Variants in ARHGEF11 observed in about 807,000 individuals in gnomAD.
The protein encoded by ARHGEF11 is Rho guanine nucleotide exchange factor 11.
In ARHGEF11, 55 loss-of-function variants were observed where a neutral mutation model predicts 193.7. The observed-to-expected ratio is 0.28, with a 90% CI of 0.23 to 0.36. ARHGEF11 has a LOEUF of 0.36. Ranked by LOEUF, ARHGEF11 falls within the 10% of genes least tolerant of loss-of-function variation. ARHGEF11 has a pLI of 1.00. For synonymous variants in ARHGEF11, 693 were observed against 768.0 expected (o/e 0.90, Z 1.62); for missense variants, 1,723 against 2,005.6 (o/e 0.86, Z 2.69).
intron 1 of ARHGEF11, among the ~76,000 whole-genome samples, chr1:157,027,871 CTCT>C (rs1404694011): frequency 3.9e-5 from 6 of 152,166 alleles, no homozygotes; most frequent in African/African-American, 1.4e-4. Flanking sequence ...AAGTCAGCTA[CTCT>C]GAGGTCGCCA....
intron 35 of ARHGEF11, 26 bp downstream of exon 35, chr1:156,941,346 C>G (rs1353413775): frequency 5.6e-6 from 9 of 1,613,304 alleles, no homozygotes; most frequent in East Asian, 2.2e-5. Flanking sequence ...TGGGCTGGCT[C>G]CCACAGGACA....
intron 7 of ARHGEF11, among the ~76,000 whole-genome samples, chr1:156,972,998 C>T (rs1662716156): frequency 6.6e-6 from 1 of 152,202 alleles, no homozygotes; most frequent in Non-Finnish European, 1.5e-5. Flanking sequence ...TCTGATGATT[C>T]TTCAAGCCAC....
intron 1 of ARHGEF11, among the ~76,000 whole-genome samples, chr1:157,040,112 T>A (rs989416933): frequency 1.3e-5 from 2 of 152,240 alleles, no homozygotes; most frequent in Non-Finnish European, 2.9e-5. Context: ...GAAGTTAAGC[T>A]TAGTCTGCTC....
chr1:157,028,892 C>T (rs1402229951), intron 1 of ARHGEF11, among the ~76,000 whole-genome samples: 4 of 152,156 alleles, frequency 2.6e-5, no homozygotes, highest in Admixed American at 6.5e-5. Flanking sequence ...ACTGGCTGGG[C>T]GTGGTGGCTC....
chr1:156,936,467 T>A (rs1571101384), intron 40 of ARHGEF11, among the ~76,000 whole-genome samples: 1 of 103,744 alleles, frequency 9.6e-6, no homozygotes, highest in Non-Finnish European at 1.8e-5. Flanking sequence ...CCAGCCCTTG[T>A]CTCAAATAAA....
chr1:157,025,554 T>C (rs191879156), intron 1 of ARHGEF11, among the ~76,000 whole-genome samples: 12 of 152,234 alleles, frequency 7.9e-5, no homozygotes, highest in African/African-American at 2.9e-4. Context: ...CTAGCCTGAG[T>C]TGGTAATCTT....
chr1:156,970,069 G>A, intron 8 of ARHGEF11, 26 bp from the exon 9 acceptor site: 1 of 1,610,382 alleles, frequency 6.2e-7, no homozygotes, highest in Non-Finnish European at 8.5e-7. Context: ...CCACAGGGTG[G>A]GCAAATTCTG....
rs1657910569 is a variant in ARHGEF11 at position 156,945,296 on chromosome 1, C to T, written c.2813-99G>A. The stretch of plus-strand genomic sequence containing the variant: ...CTATTCATCCATGGCAGCTGGCTTG[C>T]TTCAAACCAGCAGGCGTGGGTGGAG... On this transcript the variant is annotated intron_variant, in intron 29 of 40. Coordinates refer to ENST00000368194, the MANE Select transcript of ARHGEF11 (RefSeq NM_198236.3). 1.4e-5 allele frequency: 19 copies of T among 1,398,958 alleles called. No individual in the cohort carries two copies. The South Asian group carries it at 1.5e-4, about 11-fold the overall frequency. 86.7% of individuals were successfully genotyped at this position (1,398,958 alleles called of 1,614,324 possible). A position where few individuals can be genotyped will look rare whatever the true frequency, so the allele number is the denominator to read the frequency against.
chr1:156,957,729 T>C (rs1240181358), intron 18 of ARHGEF11, 63 bp downstream of exon 18: 2 of 1,542,088 alleles, frequency 1.3e-6, no homozygotes, highest in Non-Finnish European at 1.8e-6. Flanking sequence ...ATGGAAAGCA[T>C]AGTAGCTCAA....
intron 1 of ARHGEF11, among the ~76,000 whole-genome samples, chr1:157,016,866 C>G (rs1486573381): frequency 6.6e-6 from 1 of 151,782 alleles, no homozygotes; most frequent in Non-Finnish European, 1.5e-5. Flanking sequence ...GGCTGGAGTG[C>G]AGTAGCACAA....
intron 30 of ARHGEF11, among the ~76,000 whole-genome samples, chr1:156,944,704 C>T (rs1657797243): frequency 6.6e-6 from 1 of 152,204 alleles, no homozygotes; most frequent in African/African-American, 2.4e-5. Context: ...AAGAAGATCA[C>T]ATACTGCTTT....
chr1:157,000,869 G>A (rs1667128624), intron 1 of ARHGEF11, among the ~76,000 whole-genome samples: 2 of 152,170 alleles, frequency 1.3e-5, no homozygotes, highest in Non-Finnish European at 1.5e-5. Flanking sequence ...GAAGTGGGAG[G>A]CGGGCCAGAG....
chr1:157,012,221 C>T (rs565305523), intron 1 of ARHGEF11, among the ~76,000 whole-genome samples: 10 of 152,210 alleles, frequency 6.6e-5, no homozygotes, highest in South Asian at 4.1e-4. Context: ...AAGTGAAAGA[C>T]GCCAGTTACA....
intron 6 of ARHGEF11, among the ~76,000 whole-genome samples, chr1:156,977,523 C>G: frequency 6.6e-6 from 1 of 152,210 alleles, no homozygotes; most frequent in East Asian, 1.9e-4. Context: ...AACAACCCTC[C>G]TGCCTCAGCC....
chr1:156,938,336 A>C lies in ARHGEF11; in HGVS notation c.4192+82T>G, dbSNP rs1655964737. The C allele has an allele frequency of 8.3e-6, 11 of 1,319,950 alleles. No individual in the cohort carries two copies. In the South Asian group the frequency reaches 1.5e-4, roughly 17 times the overall value. 81.8% of individuals were successfully genotyped at this position (1,319,950 alleles called of 1,614,324 possible). ...GGAGCTTGTGGGTGTGTGTGTGACC[A>C]TGGGCAGGGGTCCGACTCTGCCCTC... On this transcript the variant is annotated intron_variant, in intron 38 of 40. Coordinates refer to ENST00000368194, the MANE Select transcript of ARHGEF11 (RefSeq NM_198236.3).
At chr1:157,024,557 C>G (rs181082898) in intron 1 of ARHGEF11, among the ~76,000 whole-genome samples, 1 of 152,152 alleles carries the variant, frequency 6.6e-6, no homozygotes, top group Non-Finnish European at 1.5e-5. Context: ...GCAATTAAAT[C>G]AGCCAACTCG....
intron 30 of ARHGEF11, 70 bp downstream of exon 30, chr1:156,944,949 G>C: frequency 6.4e-7 from 1 of 1,553,316 alleles, no homozygotes; most frequent in Non-Finnish European, 8.7e-7. Flanking sequence ...TCCAAGCCCT[G>C]ACCAGTGTTC....
chr1:156,990,545 A>G (rs2102536564), intron 1 of ARHGEF11, among the ~76,000 whole-genome samples: 1 of 152,330 alleles, frequency 6.6e-6, no homozygotes, highest in Non-Finnish European at 1.5e-5. Flanking sequence ...TGCCTGCAAA[A>G]TGGCAATTTG....
intron 1 of ARHGEF11, among the ~76,000 whole-genome samples, chr1:157,000,010 C>G (rs1163670630): frequency 1.3e-5 from 2 of 152,244 alleles, no homozygotes; most frequent in African/African-American, 4.8e-5. Flanking sequence ...ATCACACAGG[C>G]TGGAGTGCAG....
Sources: gnomAD v4.1 joint callset for allele counts (sites outside exome capture counted in the v4.1 genomes callset) on GRCh38, gnomAD v4.1.1 for gene constraint, MANE v1.5 for transcripts, NCBI Gene and HGNC (gene_info 2026-07-23, HGNC 2026-07-21) for gene names.